Variants in KPNA4 observed in about 807,000 individuals in gnomAD.
KPNA4 encodes importin subunit alpha-3.
A neutral mutation model predicts 71.3 loss-of-function variants in KPNA4; 13 were observed. The ratio of observed to expected loss-of-function variants is 0.18; its 90% CI spans 0.12 to 0.29. The LOEUF (loss-of-function observed/expected upper bound fraction) is 0.29, where lower values mean the gene tolerates loss of function less well. KPNA4 is among the 10% of genes least tolerant of loss of function. The pLI is 1.00. For synonymous variants in KPNA4, 189 were observed against 195.2 expected, an observed-to-expected ratio of 0.97 and a Z score of 0.26; for missense variants, 334 against 603.2, an observed-to-expected ratio of 0.55 and a Z score of 4.67.
intron 16 of KPNA4, among the ~76,000 whole-genome samples, chr3:160,504,010 G>A (rs1432568677): frequency 6.6e-6 from 1 of 152,120 alleles, no homozygotes; most frequent in Non-Finnish European, 1.5e-5. Context: ...CCTGAGCCAG[G>A]GAGGGGGAGG....
At position 160,501,375 on chromosome 3, in the gene KPNA4, G is replaced by A. The variant is rs1173574998; in HGVS notation, c.*729C>T. On this transcript the variant is annotated 3_prime_UTR_variant, in exon 17 of 17. Coordinates refer to ENST00000334256, the MANE Select transcript of KPNA4 (RefSeq NM_002268.5). ...GGAAACAGAAAACACAGGCTGCAGA[G>A]TAAACCAATGTCTGCTGCTAAACCA... 1 of 152,490 alleles carries A rather than the reference G, an allele frequency of 6.6e-6. No homozygotes were observed. The highest frequency in any genetic ancestry group is 2.4e-5 in the African/African-American group (1 of 41,404). 9.4% of individuals were successfully genotyped at this position (152,490 alleles called of 1,614,324 possible).
intron 1 of KPNA4, among the ~76,000 whole-genome samples, chr3:160,544,438 A>C (rs2108556997): frequency 6.6e-6 from 1 of 152,328 alleles, no homozygotes; most frequent in Admixed American, 6.5e-5. Context: ...TATGAGCACA[A>C]AGGAAGGTAC....
intron 1 of KPNA4, among the ~76,000 whole-genome samples, chr3:160,548,213 T>TTTG (rs1260447716): frequency 6.6e-6 from 1 of 152,212 alleles, no homozygotes; most frequent in African/African-American, 2.4e-5. Context: ...TGGGTTTTTT[T>TTTG]TTGTTGTTGT....
At chr3:160,546,193 G>C (rs560012015) in intron 1 of KPNA4, among the ~76,000 whole-genome samples, 2 of 152,290 alleles carry the variant, frequency 1.3e-5, no homozygotes, top group South Asian at 2.1e-4. Flanking sequence ...ACAAGACTAA[G>C]AGAGAAATCA....
At chr3:160,535,269 T>G (rs758192583) in intron 5 of KPNA4, among the ~76,000 whole-genome samples, 8 of 152,202 alleles carry the variant, frequency 5.3e-5, no homozygotes, top group Non-Finnish European at 1.0e-4. Context: ...TCTGTATGCA[T>G]TATGTATATT....
Position 160,527,940 on chromosome 3 carries a change from G to T in KPNA4, c.556+13C>A. 1 of 1,595,388 alleles carries T rather than the reference G, an allele frequency of 6.3e-7. No homozygotes were observed. The highest frequency in any genetic ancestry group is 8.6e-7 in the Non-Finnish European group (1 of 1,164,578). ...AACAATTTTTAGACTAGTATTACAAGTTTTATACAAACCTATGATATTTCC... is the reference window on the plus strand; with the variant it reads ...AACAATTTTTAGACTAGTATTACAATTTTTATACAAACCTATGATATTTCC... On this transcript the variant is annotated intron_variant, in intron 8 of 16. Coordinates refer to ENST00000334256, the MANE Select transcript of KPNA4 (RefSeq NM_002268.5).
rs911075383 is a variant in KPNA4 at position 160,496,999 on chromosome 3, C to G, written c.*5105G>C. ...TTTAGGGAAAAAAATGTTAAATCTA[C>G]TTTTCTTATACATGATTGGTGTGCT... is the stretch of plus-strand genomic sequence containing the variant. On this transcript the variant is annotated 3_prime_UTR_variant, in exon 17 of 17. Transcript: ENST00000334256. The G allele has an allele frequency of 1.3e-5, 2 of 152,182 alleles. No individual in the cohort carries two copies. The highest frequency in any genetic ancestry group is 4.8e-5 in the African/African-American group (2 of 41,442). 9.4% of individuals were successfully genotyped at this position (152,182 alleles called of 1,614,324 possible).
At chr3:160,518,887 A>G (rs1052026594) in intron 11 of KPNA4, among the ~76,000 whole-genome samples, 1 of 152,176 alleles carries the variant, frequency 6.6e-6, no homozygotes, top group African/African-American at 2.4e-5. Context: ...TAAATCAACT[A>G]ATCATAAAAT....
rs1721552904 is a variant in KPNA4, at chr3:160,530,519, A to G, written c.469+336T>C. Among the ~76,000 whole-genome samples the G allele has an allele frequency of 2.6e-5, 4 of 152,062 alleles. No individual in the cohort carries two copies. In the South Asian group the frequency reaches 6.2e-4, roughly 24 times the overall value. On this transcript the variant is annotated intron_variant, in intron 7 of 16. Coordinates refer to ENST00000334256, the MANE Select transcript of KPNA4 (RefSeq NM_002268.5). ...AACAACAAAAAAACAAAAACAAAAA[A>G]AGAGAGGCTGAGAGGCAATGTGGCA...
rs1421803932 is a variant in KPNA4, at chr3:160,498,092, G to A, written c.*4012C>T. Reference sequence around the variant, plus strand: ...GGAGTTGAGATGTGGGCTTTATTTGGCCCTTAGTAGCTGTGTGACCTTGGG... The same window carrying A: ...GGAGTTGAGATGTGGGCTTTATTTGACCCTTAGTAGCTGTGTGACCTTGGG... On this transcript the variant is annotated 3_prime_UTR_variant, in exon 17 of 17. Coordinates refer to ENST00000334256, the MANE Select transcript of KPNA4 (RefSeq NM_002268.5). 1 of 152,096 alleles carries A rather than the reference G, an allele frequency of 6.6e-6. No individual in the cohort carries two copies. Among genetic ancestry groups the A allele is most frequent in the Non-Finnish European group, 1.5e-5 (1 of 68,028 alleles). The allele number at this position is 152,096 out of a possible 1,614,324, so 9.4% of individuals were successfully genotyped here.
chr3:160,532,555 A>G (rs1721595070), intron 5 of KPNA4, among the ~76,000 whole-genome samples: 1 of 152,210 alleles, frequency 6.6e-6, no homozygotes, highest in African/African-American at 2.4e-5. Flanking sequence ...AGCTTATAAG[A>G]TAAAAACAAA....
intron 7 of KPNA4, among the ~76,000 whole-genome samples, chr3:160,529,856 G>A (rs1399832859): frequency 4.6e-5 from 7 of 151,936 alleles, no homozygotes; most frequent in Admixed American, 2.0e-4. Flanking sequence ...ATGGCCGGGC[G>A]TGGTGGCTCA....
chr3:160,530,487 AAACAAC>A (rs1334289318), intron 7 of KPNA4, among the ~76,000 whole-genome samples: 1 of 152,136 alleles, frequency 6.6e-6, no homozygotes, highest in Non-Finnish European at 1.5e-5. Flanking sequence ...TGAGAAAGAA[AAACAAC>A]AACAACAAAA....
At chr3:160,549,139 T>C (rs1721988225) in intron 1 of KPNA4, among the ~76,000 whole-genome samples, 2 of 152,210 alleles carry the variant, frequency 1.3e-5, no homozygotes, top group Non-Finnish European at 2.9e-5. Context: ...GGTTGTTGGT[T>C]TTTGCTATTG....
chr3:160,523,837 C>T (rs1445589977), intron 10 of KPNA4, among the ~76,000 whole-genome samples: 4 of 151,176 alleles, frequency 2.6e-5, no homozygotes, highest in South Asian at 2.1e-4. Context: ...GGAAACAGTG[C>T]GAGACTCTGT....
chr3:160,516,442 T>TAA (rs112115015), intron 11 of KPNA4, among the ~76,000 whole-genome samples: 40,690 of 145,246 alleles, frequency 0.28, 5,761 homozygotes, highest in Admixed American at 0.3. Flanking sequence ...GATAGTGCCA[T>TAA]AAAAAAAAAA....
At position 160,501,053 on chromosome 3, in the gene KPNA4, G is replaced by T. The variant is rs1720867516; in HGVS notation, c.*1051C>A. 6.6e-6 allele frequency: 1 copy of T among 152,384 alleles called. No homozygotes were observed. The highest frequency in any genetic ancestry group is 2.4e-5 in the African/African-American group (1 of 41,370). The allele number at this position is 152,384 out of a possible 1,614,324, so 9.4% of individuals were successfully genotyped here. On this transcript the variant is annotated 3_prime_UTR_variant, in exon 17 of 17. Coordinates refer to ENST00000334256, the MANE Select transcript of KPNA4 (RefSeq NM_002268.5). ...GATGGCCTTTTAAGCACATTTTACT[G>T]TTTTATACTATTATGGCAACTTGTG...
chr3:160,536,397 T>A (rs1721694986), intron 2 of KPNA4, among the ~76,000 whole-genome samples: 1 of 152,120 alleles, frequency 6.6e-6, no homozygotes, highest in Admixed American at 6.5e-5. Context: ...TATAAATATA[T>A]TCTCAACTAT....
rs553594863 is a variant in KPNA4, at chr3:160,512,224, A to T, written c.1137+1853T>A. Among the ~76,000 whole-genome samples, 18 of 152,310 alleles carry T rather than the reference A, an allele frequency of 1.2e-4. No individual in the cohort carries two copies. In the South Asian group the frequency reaches 3.5e-3, roughly 30 times the overall value. ...TAATTCCAGTTCTAGATCAGAAAAC[A>T]TGTAAGATAGGCCTGGGAATCATGT... is the stretch of plus-strand genomic sequence containing the variant. On this transcript the variant is annotated intron_variant, in intron 13 of 16. Coordinates refer to ENST00000334256, the MANE Select transcript of KPNA4 (RefSeq NM_002268.5).
Sources: allele counts gnomAD v4.1 joint callset (sites outside exome capture counted in the v4.1 genomes callset), GRCh38; gene constraint gnomAD v4.1.1; transcripts MANE v1.5; gene names NCBI Gene and HGNC (gene_info 2026-07-23, HGNC 2026-07-21).